The following PLCL1 variants were observed in gnomAD, a reference collection of about 807,000 sequenced individuals.
The protein encoded by PLCL1 is inactive phospholipase C-like protein 1.
PLCL1 carries 41 observed loss-of-function variants against 84.4 expected under a neutral mutation model. That is an observed-to-expected ratio of 0.49 (90% CI 0.38 to 0.63). The LOEUF (loss-of-function observed/expected upper bound fraction) is 0.63, where lower values mean the gene tolerates loss of function less well. Among genes scored for constraint, PLCL1 ranks in the 30% least tolerant of loss-of-function variants. The pLI, the probability that PLCL1 is intolerant of heterozygous loss-of-function variation, is 0.00. For synonymous variants in PLCL1, 490 were observed against 488.3 expected, an observed-to-expected ratio of 1.00 and a Z score of -0.05; for missense variants, 1,206 against 1,367.8, an observed-to-expected ratio of 0.88 and a Z score of 1.87.
chr2:198,053,768 A>T (rs936052903), intron 1 of PLCL1, among the ~76,000 whole-genome samples: 1 of 152,230 alleles, frequency 6.6e-6, no homozygotes, highest in African/African-American at 2.4e-5. Context: ...AACCTATTAG[A>T]TGGGGAAAAG....
chr2:198,007,851 T>A (rs895539465), intron 1 of PLCL1, among the ~76,000 whole-genome samples: 15 of 152,136 alleles, frequency 9.9e-5, no homozygotes, highest in African/African-American at 3.6e-4. Flanking sequence ...GAAAGATATA[T>A]GCAATTAGAT....
chr2:198,049,045 A>T (rs1371396774), intron 1 of PLCL1, among the ~76,000 whole-genome samples: 1 of 152,200 alleles, frequency 6.6e-6, no homozygotes, highest in Non-Finnish European at 1.5e-5. Context: ...AAGGGAACTA[A>T]GGTACCACTT....
intron 1 of PLCL1, among the ~76,000 whole-genome samples, chr2:197,886,394 A>G (rs897316452): frequency 4.0e-5 from 5 of 126,374 alleles, no homozygotes; most frequent in Non-Finnish European, 7.9e-5. Context: ...CCTGGGCAAC[A>G]GAATGAGACT....
intron 5 of PLCL1, among the ~76,000 whole-genome samples, chr2:198,144,381 G>A (rs1384757880): frequency 6.6e-6 from 1 of 152,050 alleles, no homozygotes; most frequent in Non-Finnish European, 1.5e-5. Context: ...TAAAAATATA[G>A]TAGTACATAT....
chr2:197,883,710 T>C (rs1180839639), intron 1 of PLCL1, among the ~76,000 whole-genome samples: 1 of 152,206 alleles, frequency 6.6e-6, no homozygotes, highest in Non-Finnish European at 1.5e-5. Flanking sequence ...GATAGGTGAA[T>C]ACAGTAAAAA....
intron 1 of PLCL1, among the ~76,000 whole-genome samples, chr2:197,952,298 T>C (rs1689403945): frequency 6.6e-6 from 1 of 152,130 alleles, no homozygotes; most frequent in Non-Finnish European, 1.5e-5. Context: ...TTCCCAGCCC[T>C]AAGTTAGTAC....
chr2:197,868,929 A>G (rs910853674), intron 1 of PLCL1, among the ~76,000 whole-genome samples: 1 of 152,176 alleles, frequency 6.6e-6, no homozygotes, highest in Non-Finnish European at 1.5e-5. Flanking sequence ...ATTATACTTT[A>G]TTAATACCTA....
chr2:197,953,099 G>A (rs1689418396), intron 1 of PLCL1, among the ~76,000 whole-genome samples: 2 of 152,088 alleles, frequency 1.3e-5, no homozygotes, highest in African/African-American at 4.8e-5. Context: ...TGAGAACAAT[G>A]TTATGAAGTA....
chr2:198,139,839 A>G (rs1011096635), intron 5 of PLCL1, among the ~76,000 whole-genome samples: 2 of 152,192 alleles, frequency 1.3e-5, no homozygotes, highest in African/African-American at 4.8e-5. Context: ...TCCAAAGCAC[A>G]GGGAAGAGAT....
At position 198,024,762 on chromosome 2, in the gene PLCL1, C is replaced by CA. The variant is rs74507483; in HGVS notation, c.241-58983dup. On this transcript the variant is annotated intron_variant, in intron 1 of 5. Coordinates refer to ENST00000428675, the MANE Select transcript of PLCL1 (RefSeq NM_006226.4). ...TTGGCAACAAGAGCGAAATCTATCT[C>CA]AAAAAAAAAAAAACAATTACTACGA... 7.5e-3 allele frequency among the ~76,000 whole-genome samples: 1,038 copies of CA among 139,080 alleles called. 8 individuals are homozygous for CA. The highest frequency in any genetic ancestry group is 0.037 in the Middle Eastern group (10 of 270). The allele number at this position is 139,080 out of a possible 152,430, so 91.2% of individuals were successfully genotyped here.
At chr2:198,081,913 C>A (rs1692723100) in intron 1 of PLCL1, among the ~76,000 whole-genome samples, 1 of 152,182 alleles carries the variant, frequency 6.6e-6, no homozygotes, top group Non-Finnish European at 1.5e-5. Context: ...GTCCAGACTA[C>A]TTTGGTTATA....
rs1348804791 is a variant in PLCL1, at chr2:197,805,970, G to A, written c.240+631G>A. The stretch of plus-strand genomic sequence containing the variant: ...GGTTACCACCACATCCAGGGAAAAC[G>A]CTTCCTGACCCGCTAATCACCTCAC... On this transcript the variant is annotated intron_variant, in intron 1 of 5. Transcript: ENST00000428675. This position sits in a 1 kb window ranked among gnomAD's most constrained non-coding sequence, Gnocchi z 4.0. 6.6e-6 allele frequency among the ~76,000 whole-genome samples: 1 copy of A among 152,314 alleles called. No homozygotes were observed. The highest frequency in any genetic ancestry group is 1.9e-4 in the East Asian group (1 of 5,176).
At chr2:197,821,584 C>T (rs565495342) in intron 1 of PLCL1, among the ~76,000 whole-genome samples, 1 of 152,178 alleles carries the variant, frequency 6.6e-6, no homozygotes, top group African/African-American at 2.4e-5. Flanking sequence ...GGCCTATCAC[C>T]ACATTTGCCT....
At position 197,934,474 on chromosome 2, in the gene PLCL1, T is replaced by C. The variant is rs915809011; in HGVS notation, c.240+129135T>C. On this transcript the variant is annotated intron_variant, in intron 1 of 5. Transcript: ENST00000428675. ...ATCCACAACGCCTTTCTTGTAACCA[T>C]AGCAACCAAGACAGAAGGTTTCTTT... 3.3e-5 allele frequency among the ~76,000 whole-genome samples: 5 copies of C among 152,182 alleles called. No homozygotes were observed. The South Asian group carries it at 6.2e-4, about 19-fold the overall frequency.
intron 1 of PLCL1, among the ~76,000 whole-genome samples, chr2:197,990,898 T>G (rs1403158521): frequency 1.3e-5 from 2 of 152,184 alleles, no homozygotes; most frequent in African/African-American, 2.4e-5. Context: ...TAATATATAA[T>G]TTTATAGGAT....
Position 198,146,875 on chromosome 2 carries a change from C to T in PLCL1, c.3201C>T (p.Ala1067=). ...GCCTGTCCTGTGGACTGAGTAAAGC[C>T]CCCAGCAGCAGTGCTGAGGCCAAGA... is the stretch of plus-strand genomic sequence containing the variant. ...LACLSCGLSK[A]PSSSAEAKSK... The change falls in exon 6 of 6, where the codon GCC becomes GCT. Residue 1067 remains alanine (A), a synonymous_variant. Coordinates refer to ENST00000428675, the MANE Select transcript of PLCL1 (RefSeq NM_006226.4). 6.2e-7 allele frequency: 1 copy of T among 1,613,524 alleles called. No individual in the cohort carries two copies. Among genetic ancestry groups the T allele is most frequent in the Non-Finnish European group, 8.5e-7 (1 of 1,179,706 alleles).
intron 1 of PLCL1, among the ~76,000 whole-genome samples, chr2:197,947,971 G>A (rs1689315077): frequency 6.6e-6 from 1 of 152,170 alleles, no homozygotes; most frequent in African/African-American, 2.4e-5. Context: ...TAATTAGGGG[G>A]TAGTTTCTGG....
chr2:197,997,034 T>G (rs1690483230), intron 1 of PLCL1, among the ~76,000 whole-genome samples: 1 of 152,316 alleles, frequency 6.6e-6, no homozygotes, highest in Non-Finnish European at 1.5e-5. Flanking sequence ...TCCTATTACC[T>G]GAACCAGACT....
At chr2:197,835,489 A>G (rs1035673925) in intron 1 of PLCL1, among the ~76,000 whole-genome samples, 2 of 152,128 alleles carry the variant, frequency 1.3e-5, no homozygotes, top group Admixed American at 1.3e-4. Flanking sequence ...CCTGGCAACC[A>G]TCGTTATACT....
Sources: allele counts gnomAD v4.1 joint callset (sites outside exome capture counted in the v4.1 genomes callset), GRCh38; gene constraint gnomAD v4.1.1; non-coding constraint Gnocchi (gnomAD v3.1); transcripts MANE v1.5; gene names NCBI Gene and HGNC (gene_info 2026-07-23, HGNC 2026-07-21).